SPATA16: variants seen among roughly 807,000 people sequenced by gnomAD.
SPATA16 encodes spermatogenesis associated 16, also known as spermatogenesis-associated protein 16.
A neutral mutation model predicts 63.3 loss-of-function variants in SPATA16; 36 were observed. That is an observed-to-expected ratio of 0.57 (90% CI 0.44 to 0.75). SPATA16 has a LOEUF of 0.75. SPATA16 is among the 30% of genes least tolerant of loss of function. The pLI, the probability that SPATA16 is intolerant of heterozygous loss-of-function variation, is 0.00. For missense variants in SPATA16, 646 were observed against 679.3 expected (o/e 0.95, Z 0.54); for synonymous variants, 203 against 216.7 (o/e 0.94, Z 0.56).
At chr3:172,900,314 A>T (rs2109546380) in intron 10 of SPATA16, among the ~76,000 whole-genome samples, 1 of 152,222 alleles carries the variant, frequency 6.6e-6, no homozygotes, top group African/African-American at 2.4e-5. Context: ...ATAATGCATC[A>T]TTTCCCTCTT....
At chr3:173,080,675 T>C (rs1050008033) in intron 2 of SPATA16, among the ~76,000 whole-genome samples, 2 of 152,176 alleles carry the variant, frequency 1.3e-5, no homozygotes, top group African/African-American at 4.8e-5. Context: ...TTTCTAATCT[T>C]GCCAAGGTTT....
intron 8 of SPATA16, among the ~76,000 whole-genome samples, chr3:172,917,331 G>A (rs1732516259): frequency 2.0e-5 from 3 of 152,138 alleles, no homozygotes; most frequent in African/African-American, 7.2e-5. Context: ...TTTGATTTGG[G>A]GGTATATAAG....
chr3:173,022,537 AG>A (rs2108278325), intron 3 of SPATA16, among the ~76,000 whole-genome samples: 1 of 152,304 alleles, frequency 6.6e-6, no homozygotes, highest in East Asian at 1.9e-4. Context: ...GCAGTTGTAA[AG>A]CCTAGCTTTT....
chr3:172,914,375 G>A (rs1416144353), intron 9 of SPATA16, among the ~76,000 whole-genome samples: 2 of 152,074 alleles, frequency 1.3e-5, no homozygotes, highest in Admixed American at 6.6e-5. Context: ...ATTTGACCAC[G>A]AAAGTGAAAT....
At chr3:173,005,713 AAT>A (rs1734930730) in intron 4 of SPATA16, among the ~76,000 whole-genome samples, 1 of 152,188 alleles carries the variant, frequency 6.6e-6, no homozygotes, top group South Asian at 2.1e-4. Context: ...AAAGTCAATC[AAT>A]GTTTGTTTTT....
chr3:173,011,502 C>A (rs571890903), intron 4 of SPATA16, among the ~76,000 whole-genome samples: 1 of 152,226 alleles, frequency 6.6e-6, no homozygotes, highest in African/African-American at 2.4e-5. Context: ...TGTAGACCAG[C>A]CAGCAACCTA....
chr3:172,976,989 C>A lies in SPATA16; in HGVS notation c.912G>T (p.Lys304Asn), dbSNP rs1421063773. 6.2e-7 allele frequency: 1 copy of A among 1,612,194 alleles called. No homozygotes were observed. The highest frequency in any genetic ancestry group is 8.5e-7 in the Non-Finnish European group (1 of 1,179,356). ...LGGGREESIS[K>N]LIKLYWQAMI... ...TTACCTGCCAATACAGTTTGATGAGCTTGCTTATGCTCTCTTCCCTTCCTC... is the reference window on the plus strand; with the variant it reads ...TTACCTGCCAATACAGTTTGATGAGATTGCTTATGCTCTCTTCCCTTCCTC... Residue 304 changes from lysine (K) to asparagine (N), a missense_variant, in exon 5 of 11, where the codon AAG becomes AAT. Lys to Asn is a moderately conservative substitution (Grantham distance 94). Coordinates refer to ENST00000351008, the MANE Select transcript of SPATA16 (RefSeq NM_031955.6).
At chr3:173,070,068 C>G (rs890996549) in intron 2 of SPATA16, among the ~76,000 whole-genome samples, 2 of 151,936 alleles carry the variant, frequency 1.3e-5, no homozygotes, top group East Asian at 3.9e-4. Flanking sequence ...TGAAACTGAA[C>G]ACCTTTCCTC....
chr3:172,948,262 C>T (rs910847265), intron 6 of SPATA16, among the ~76,000 whole-genome samples: 1 of 152,054 alleles, frequency 6.6e-6, no homozygotes, highest in African/African-American at 2.4e-5. Context: ...TGCAAAAGAC[C>T]TCCGATACGT....
In SPATA16 at chr3:173,040,123, C is replaced by T. The variant is rs559240153; in HGVS notation, c.758+8826G>A. 3.6e-4 allele frequency among the ~76,000 whole-genome samples: 55 copies of T among 152,192 alleles called. 1 individual carries two copies. In the East Asian group the frequency reaches 0.01, roughly 28 times the overall value. ...CCACCTCCTTCTTCTCTTCTTCCTC[C>T]TCCTTTACTTCTTTAGTAAAGAAAC... is the stretch of plus-strand genomic sequence containing the variant. On this transcript the variant is annotated intron_variant, in intron 3 of 10. Transcript: ENST00000351008.
chr3:172,958,501 T>C (rs6792046), intron 5 of SPATA16, among the ~76,000 whole-genome samples: 85,871 of 152,052 alleles, frequency 0.56, 24,452 homozygotes, highest in Admixed American at 0.58. Context: ...CAGTGATGTG[T>C]CAAGGAGGAA....
At chr3:173,101,259 T>C (rs1163417929) in intron 2 of SPATA16, among the ~76,000 whole-genome samples, 6 of 152,178 alleles carry the variant, frequency 3.9e-5, no homozygotes, top group Non-Finnish European at 8.8e-5. Flanking sequence ...CACCCCCTCT[T>C]TGAATGAGAC....
chr3:172,946,710 C>G (rs1733297464), intron 6 of SPATA16, among the ~76,000 whole-genome samples: 1 of 152,194 alleles, frequency 6.6e-6, no homozygotes, highest in Non-Finnish European at 1.5e-5. Context: ...AGGTTCCCCT[C>G]TCCAGGCCCT....
intron 3 of SPATA16, among the ~76,000 whole-genome samples, chr3:173,025,333 T>G (rs1438299114): frequency 6.6e-6 from 1 of 151,930 alleles, no homozygotes; most frequent in Non-Finnish European, 1.5e-5. Context: ...AAGTAAATTT[T>G]AATGGTGATT....
intron 2 of SPATA16, among the ~76,000 whole-genome samples, chr3:173,050,570 C>G (rs1166909806): frequency 6.6e-6 from 1 of 151,764 alleles, no homozygotes; most frequent in Non-Finnish European, 1.5e-5. Flanking sequence ...TTGCCTATTT[C>G]TATTGACATG....
At chr3:173,086,215 T>C (rs933094968) in intron 2 of SPATA16, among the ~76,000 whole-genome samples, 1 of 152,170 alleles carries the variant, frequency 6.6e-6, no homozygotes, top group African/African-American at 2.4e-5. Context: ...CAGAACTTGT[T>C]ATTTGTCTAT....
chr3:173,071,247 T>C (rs1736667536), intron 2 of SPATA16, among the ~76,000 whole-genome samples: 1 of 152,198 alleles, frequency 6.6e-6, no homozygotes, highest in African/African-American at 2.4e-5. Flanking sequence ...CTGAGAAAAC[T>C]AGATATCCAT....
At chr3:172,943,532 G>T (rs959658356) in intron 6 of SPATA16, among the ~76,000 whole-genome samples, 1 of 152,166 alleles carries the variant, frequency 6.6e-6, no homozygotes, top group East Asian at 1.9e-4. Flanking sequence ...TTGAGGTCAG[G>T]AGTTTGAGAC....
intron 3 of SPATA16, 135 bp from the exon 4 acceptor site, chr3:173,019,710 T>TC: frequency 1.3e-6 from 1 of 765,886 alleles, no homozygotes; most frequent in Non-Finnish European, 2.2e-6. Flanking sequence ...AAGGAGCCCT[T>TC]CCCCGCCCCC....
Sources: allele counts gnomAD v4.1 joint callset (sites outside exome capture counted in the v4.1 genomes callset), GRCh38; gene constraint gnomAD v4.1.1; transcripts MANE v1.5; gene names NCBI Gene and HGNC (gene_info 2026-07-23, HGNC 2026-07-21).